The following DNAH14 variants were observed in gnomAD, a reference collection of about 807,000 sequenced individuals.
DNAH14 encodes dynein axonemal heavy chain 14.
In DNAH14, 478 loss-of-function variants were observed where a neutral mutation model predicts 520.9. The observed-to-expected ratio is 0.92, with a 90% CI of 0.85 to 0.99. The LOEUF (loss-of-function observed/expected upper bound fraction) is 0.99, where lower values mean the gene tolerates loss of function less well. Among genes scored for constraint, DNAH14 ranks in the 50% least tolerant of loss-of-function variants. The pLI, the probability that DNAH14 is intolerant of heterozygous loss-of-function variation, is 0.00. For synonymous variants in DNAH14, 1,581 were observed against 1,757.2 expected (o/e 0.90, Z 2.51); for missense variants, 4,831 against 5,234.5 (o/e 0.92, Z 2.38).
chr1:225,323,858 C>T (rs1389564402), intron 62 of DNAH14, among the ~76,000 whole-genome samples: 1 of 152,084 alleles, frequency 6.6e-6, no homozygotes, highest in African/African-American at 2.4e-5. Context: ...ACTCTGTGCA[C>T]TCGCTGGAGT....
Position 225,050,484 on chromosome 1 carries a change from A to G in DNAH14, c.2079+108A>G, listed in dbSNP as rs779736908. The G allele has an allele frequency of 2.2e-4, 265 of 1,179,682 alleles. 2 individuals carry two copies. The highest frequency in any genetic ancestry group is 7.2e-5 in the Admixed American group (2 of 27,776). 73.1% of individuals were successfully genotyped at this position (1,179,682 alleles called of 1,614,324 possible). A position where few individuals can be genotyped will look rare whatever the true frequency, so the allele number is the denominator to read the frequency against. ...AAATTAGGGTATCCTATTCATAGCA[A>G]TTGAAAAATCATTTCCAGCTTATCT... On this transcript the variant is annotated intron_variant, in intron 16 of 85. Coordinates refer to ENST00000682510, the MANE Select transcript of DNAH14 (RefSeq NM_001367479.1).
At chr1:225,122,209 G>A (rs1424847435) in intron 26 of DNAH14, among the ~76,000 whole-genome samples, 3 of 152,052 alleles carry the variant, frequency 2.0e-5, no homozygotes, top group Admixed American at 1.3e-4. Context: ...CTTTTTGATG[G>A]TACTAGTTTT....
At chr1:224,936,936 T>C (rs2059081393) in intron 1 of DNAH14, among the ~76,000 whole-genome samples, 1 of 152,034 alleles carries the variant, frequency 6.6e-6, no homozygotes. Flanking sequence ...GTGAATGTGA[T>C]ACATCACATT....
At chr1:225,109,896 G>T (rs1328345965) in intron 23 of DNAH14, among the ~76,000 whole-genome samples, 1 of 151,674 alleles carries the variant, frequency 6.6e-6, no homozygotes, top group African/African-American at 2.4e-5. Flanking sequence ...TCTATATTCA[G>T]TGTTGAATTT....
chr1:225,144,325 CT>C (rs1174448591), intron 28 of DNAH14, 71 bp from the exon 29 acceptor site: 1 of 1,154,648 alleles, frequency 8.7e-7, no homozygotes, highest in Non-Finnish European at 1.2e-6. Context: ...AATCTTGATT[CT>C]TTTTCTGCAT....
At chr1:225,094,656 C>CAAAAAAAAAAAAAAAAA (rs760828776) in intron 21 of DNAH14, among the ~76,000 whole-genome samples, 7 of 77,812 alleles carry the variant, frequency 9.0e-5, no homozygotes, top group Non-Finnish European at 2.4e-4. Context: ...TTCTGCACAG[C>CAAAAAAAAAAAAAAAAA]AAAAAAAAAA....
chr1:225,321,728 G>A (rs2094558251), intron 61 of DNAH14, among the ~76,000 whole-genome samples: 1 of 152,092 alleles, frequency 6.6e-6, no homozygotes, highest in Non-Finnish European at 1.5e-5. Flanking sequence ...ACAGTCCAGT[G>A]GCACGTCAAC....
chr1:224,993,376 T>C lies in DNAH14; in HGVS notation c.831-9407T>C, dbSNP rs908155524. Among the ~76,000 whole-genome samples the C allele has an allele frequency of 5.9e-5, 9 of 152,166 alleles. No homozygotes were observed. The South Asian group carries it at 1.7e-3, about 28-fold the overall frequency. On this transcript the variant is annotated intron_variant, in intron 8 of 85. Transcript: ENST00000682510. ...TTAGTTACTGATTCAGTTGTCTTTC[T>C]TATTTTTGGTCTGTTCAGATTTTCT...
intron 19 of DNAH14, among the ~76,000 whole-genome samples, chr1:225,082,220 G>A (rs980384857): frequency 7.2e-6 from 1 of 137,948 alleles, no homozygotes; most frequent in Non-Finnish European, 1.6e-5. Flanking sequence ...GTACCCATTT[G>A]TCTGTATATT....
At chr1:224,985,865 A>G (rs2062598097) in intron 8 of DNAH14, among the ~76,000 whole-genome samples, 1 of 151,924 alleles carries the variant, frequency 6.6e-6, no homozygotes, top group South Asian at 2.1e-4. Context: ...AGAGAAGATT[A>G]AAAAAGAATA....
intron 48 of DNAH14, among the ~76,000 whole-genome samples, chr1:225,265,976 C>T (rs2093100253): frequency 6.6e-6 from 1 of 151,862 alleles, no homozygotes. Context: ...TAATTCCAAA[C>T]ATATGTCTAT....
chr1:225,061,200 A>G (rs573250842), intron 17 of DNAH14, among the ~76,000 whole-genome samples: 2 of 152,296 alleles, frequency 1.3e-5, no homozygotes, highest in African/African-American at 4.8e-5. Context: ...TACCTACTCA[A>G]GCCTCGGCAA....
intron 17 of DNAH14, among the ~76,000 whole-genome samples, chr1:225,058,679 T>C (rs1344074505): frequency 6.6e-6 from 1 of 152,182 alleles, no homozygotes; most frequent in Non-Finnish European, 1.5e-5. Flanking sequence ...GTGCTATAAA[T>C]TTCCCTCTAC....
intron 34 of DNAH14, among the ~76,000 whole-genome samples, chr1:225,159,059 A>G (rs1190176934): frequency 6.6e-6 from 1 of 152,210 alleles, no homozygotes; most frequent in African/African-American, 2.4e-5. Context: ...AAAAACCTTT[A>G]CTGATACAGT....
Position 225,076,811 on chromosome 1 carries a change from A to G in DNAH14, c.2425-2396A>G, listed in dbSNP as rs147672075. Among the ~76,000 whole-genome samples, 13 of 150,570 alleles carry G rather than the reference A, an allele frequency of 8.6e-5. No individual in the cohort carries two copies. In the East Asian group the frequency reaches 2.1e-3, roughly 25 times the overall value. On this transcript the variant is annotated intron_variant, in intron 17 of 85. Coordinates refer to ENST00000682510, the MANE Select transcript of DNAH14 (RefSeq NM_001367479.1). ...TAAAATACCTTCTTTTTTTTTTATT[A>G]TACTTTAAGTTCTAGGGTACATGTG... is the stretch of plus-strand genomic sequence containing the variant.
At chr1:225,254,260 A>G (rs958380695) in intron 44 of DNAH14, among the ~76,000 whole-genome samples, 2 of 152,184 alleles carry the variant, frequency 1.3e-5, no homozygotes, top group African/African-American at 4.8e-5. Flanking sequence ...TTTAAAAGCC[A>G]TGGTTATATT....
chr1:225,197,621 T>C (rs1245935284), intron 38 of DNAH14, among the ~76,000 whole-genome samples: 1 of 152,172 alleles, frequency 6.6e-6, no homozygotes, highest in Non-Finnish European at 1.5e-5. Context: ...AATTTGTAGA[T>C]TGCTTTTTTG....
chr1:225,115,981 C>A (rs1314735460), intron 23 of DNAH14, among the ~76,000 whole-genome samples: 1 of 152,086 alleles, frequency 6.6e-6, no homozygotes, highest in Non-Finnish European at 1.5e-5. Context: ...ATTAACCCAG[C>A]CTGTAGGCAA....
intron 75 of DNAH14, among the ~76,000 whole-genome samples, chr1:225,364,298 T>C (rs532755262): frequency 1.9e-4 from 29 of 152,338 alleles, no homozygotes; most frequent in African/African-American, 7.0e-4. Context: ...ATTACTACTA[T>C]ATTGTTTACC....
Sources: allele counts gnomAD v4.1 joint callset (sites outside exome capture counted in the v4.1 genomes callset), GRCh38; gene constraint gnomAD v4.1.1; transcripts MANE v1.5; gene names NCBI Gene and HGNC (gene_info 2026-07-23, HGNC 2026-07-21).